The following CENPU variants were observed in gnomAD, a reference collection of about 807,000 sequenced individuals.
The protein encoded by CENPU is KSHV latent nuclear antigen interacting protein 1.
CENPU carries 46 observed loss-of-function variants against 56.7 expected under a neutral mutation model. That is an observed-to-expected ratio of 0.81 (90% CI 0.64 to 1.04). CENPU has a LOEUF of 1.04. Among genes scored for constraint, CENPU ranks in the 50% least tolerant of loss-of-function variants. The pLI, the probability that CENPU is intolerant of heterozygous loss-of-function variation, is 0.00. For synonymous variants in CENPU, 166 were observed against 163.0 expected (o/e 1.02, Z -0.14); for missense variants, 510 against 490.1 (o/e 1.04, Z -0.38).
chr4:184,732,566 TAG>T, intron 1 of CENPU, among the ~76,000 whole-genome samples: 1 of 152,098 alleles, frequency 6.6e-6, no homozygotes, highest in East Asian at 1.9e-4. Context: ...AGCTACACAC[TAG>T]ACCACATAAA....
intron 1 of CENPU, chr4:184,733,352 C>T: frequency 4.1e-6 from 4 of 986,990 alleles, no homozygotes; most frequent in Non-Finnish European, 4.8e-6. Flanking sequence ...CTCTTCAGAT[C>T]GTCTTGGCGT....
intron 1 of CENPU, chr4:184,733,451 G>A: frequency 6.1e-6 from 6 of 983,662 alleles, no homozygotes; most frequent in Non-Finnish European, 7.3e-6. Flanking sequence ...ACGAATCAGC[G>A]ACCAGCATTC....
intron 1 of CENPU, chr4:184,733,452 A>G: frequency 1.0e-6 from 1 of 985,974 alleles, no homozygotes; most frequent in South Asian, 4.4e-5. Context: ...CGAATCAGCG[A>G]CCAGCATTCT....
At chr4:184,704,361 T>C (rs1760649156) in intron 8 of CENPU, among the ~76,000 whole-genome samples, 2 of 152,194 alleles carry the variant, frequency 1.3e-5, no homozygotes, top group Non-Finnish European at 2.9e-5. Context: ...ACCATCATGC[T>C]ACAATTATCT....
chr4:184,716,403 A>G lies in CENPU; in HGVS notation c.612T>C (p.Ser204=), dbSNP rs763738723. Residue 204 remains serine, a synonymous_variant, in exon 6 of 13, where the codon AGT becomes AGC. Coordinates refer to ENST00000281453, the MANE Select transcript of CENPU (RefSeq NM_024629.4). ...SVEKENLAIE[S]QSKTQKKGKI... ...GGATGGCAGACGTTCTTACCGATTG[A>G]CTTTCTATTGCCAAGTTCTCTTTTT... 1.9e-6 allele frequency: 3 copies of G among 1,612,752 alleles called. No individual in the cohort carries two copies. The highest frequency in any genetic ancestry group is 1.7e-4 in the Middle Eastern group (1 of 6,056).
intron 8 of CENPU, among the ~76,000 whole-genome samples, chr4:184,707,154 G>T (rs1200525543): frequency 1.3e-5 from 2 of 151,182 alleles, no homozygotes; most frequent in Admixed American, 1.3e-4. Context: ...GGCATGACAG[G>T]CTGGCTCCTT....
intron 7 of CENPU, among the ~76,000 whole-genome samples, chr4:184,712,102 A>G (rs992423554): frequency 1.4e-5 from 2 of 147,386 alleles, no homozygotes; most frequent in Non-Finnish European, 3.0e-5. Context: ...GCCTGGCAAC[A>G]GAGCAAGACT....
At position 184,715,137 on chromosome 4, in the gene CENPU, G is replaced by A. The variant is rs73874415; in HGVS notation, c.618+1260C>T. Among the ~76,000 whole-genome samples the A allele has an allele frequency of 7.3e-3, 1,106 of 152,320 alleles. 15 individuals carry two copies. Among genetic ancestry groups the A allele is most frequent in the African/African-American group, 0.025 (1,049 of 41,558 alleles). The stretch of plus-strand genomic sequence containing the variant: ...TATAAGAAACTATACGGTTACCTGT[G>A]TGTATGTTTAGCAGGTGGAAAGGTG... On this transcript the variant is annotated intron_variant, in intron 6 of 12. Coordinates refer to ENST00000281453, the MANE Select transcript of CENPU (RefSeq NM_024629.4).
rs1196331415 is a variant in CENPU at position 184,724,992 on chromosome 4, G to C, written c.285C>G (p.Leu95=). 6.2e-6 allele frequency: 10 copies of C among 1,612,876 alleles called. No individual in the cohort carries two copies. The highest frequency in any genetic ancestry group is 1.7e-5 in the Admixed American group (1 of 59,898). The part of the protein sequence containing the change: ...EEFSKHCGLS[L]SSTPPGKEAK... The stretch of plus-strand genomic sequence containing the variant: ...CTTCTTTTCCTGGAGGAGTTGAAGA[G>C]AGAGACAGTCCACAATGTTTGGAGA... The change falls in exon 4 of 13, where the codon CTC becomes CTG. Residue 95 remains leucine, a synonymous_variant. Transcript: ENST00000281453.
rs1759976649 is a variant in CENPU, at chr4:184,694,380, C to T, written c.*908G>A. The T allele has an allele frequency of 6.4e-6, 9 of 1,414,380 alleles. No individual in the cohort carries two copies. The highest frequency in any genetic ancestry group is 2.5e-5 in the East Asian group (1 of 39,626). The allele number at this position is 1,414,380 out of a possible 1,614,324, so 87.6% of individuals were successfully genotyped here. On this transcript the variant is annotated 3_prime_UTR_variant, in exon 13 of 13. Transcript: ENST00000281453. ...TGCACTCATTCCCACGGTGAGATAT[C>T]GGAGACAGCATTCCTCCTGCATATT...
Position 184,694,716 on chromosome 4 carries a change from C to A in CENPU, c.*572G>T. 1 of 1,612,994 alleles carries A rather than the reference C, an allele frequency of 6.2e-7. No individual in the cohort carries two copies. The highest frequency in any genetic ancestry group is 1.1e-5 in the South Asian group (1 of 91,056). On this transcript the variant is annotated 3_prime_UTR_variant, in exon 13 of 13. Coordinates refer to ENST00000281453, the MANE Select transcript of CENPU (RefSeq NM_024629.4). ...CTGAAGCTGCAGAGAACAGTCTTCT[C>A]AGTTATAACAGTGAAGTGGATGAAA...
chr4:184,728,974 G>C lies in CENPU; in HGVS notation c.158C>G (p.Ser53Ter). 1 of 1,614,158 alleles carries C rather than the reference G, an allele frequency of 6.2e-7. No homozygotes were observed. The highest frequency in any genetic ancestry group is 8.5e-7 in the Non-Finnish European group (1 of 1,180,014). The part of the protein sequence containing the change: ...VFDFPDNSDV[S>*]SIGRLGENEK... ...ATTTTCACCCAGCCTGCCAATGCTT[G>C]AGACATCAGAATTATCAGGAAAGTC... is the stretch of plus-strand genomic sequence containing the variant. Residue 53 changes from serine to a stop codon, truncating the protein, a stop_gained, in exon 3 of 13, where the codon TCA becomes TGA. Coordinates refer to ENST00000281453, the MANE Select transcript of CENPU (RefSeq NM_024629.4). LOFTEE classifies it high-confidence loss of function.
intron 11 of CENPU, among the ~76,000 whole-genome samples, chr4:184,699,160 T>C (rs1037112581): frequency 5.3e-5 from 8 of 151,736 alleles, no homozygotes; most frequent in African/African-American, 1.9e-4. Context: ...ACCCTGTCTC[T>C]ACTAAAAATA....
intron 10 of CENPU, 29 bp downstream of exon 10, chr4:184,702,060 C>T: frequency 2.0e-6 from 3 of 1,474,016 alleles, no homozygotes; most frequent in East Asian, 2.3e-5. Flanking sequence ...GTGTTTGACT[C>T]TATGACTCTA....
At position 184,702,120 on chromosome 4, in the gene CENPU, A is replaced by G. The variant is rs372836123; in HGVS notation, c.893T>C (p.Met298Thr). 4 of 1,608,442 alleles carry G rather than the reference A, an allele frequency of 2.5e-6. No individual in the cohort carries two copies. Among genetic ancestry groups the G allele is most frequent in the Non-Finnish European group, 3.4e-6 (4 of 1,175,868 alleles). Residue 298 changes from methionine (M) to threonine (T), a missense_variant, in exon 10 of 13, where the codon ATG becomes ACG. Coordinates refer to ENST00000281453, the MANE Select transcript of CENPU (RefSeq NM_024629.4). ...ATTCTTCCTTTTCAGATTTGTCAAC[A>G]TCTGGCTTTCTTTAAGCTACACAAA... ...QFIKMLKESQ[M>T]LTNLKRKNAK...
In CENPU at chr4:184,710,194, A is replaced by G. The variant is rs1554011080; in HGVS notation, c.689-14T>C. 3 of 1,525,508 alleles carry G rather than the reference A, an allele frequency of 2.0e-6. No homozygotes were observed. The highest frequency in any genetic ancestry group is 1.4e-5 in the African/African-American group (1 of 73,010). 94.5% of individuals were successfully genotyped at this position (1,525,508 alleles called of 1,614,324 possible). A position where few individuals can be genotyped will look rare whatever the true frequency, so the allele number is the denominator to read the frequency against. ...TGTCAGAAGTATCTAAAATATTAAG[A>G]TAAGTTAACATGCTGGTTATTCATA... On this transcript the variant is annotated splice_polypyrimidine_tract_variant and intron_variant, in intron 7 of 12. Transcript: ENST00000281453.
chr4:184,729,039 A>G lies in CENPU; in HGVS notation c.97-4T>C, dbSNP rs1034497286. 1.0e-5 allele frequency: 16 copies of G among 1,602,796 alleles called. No homozygotes were observed. The highest frequency in any genetic ancestry group is 1.3e-5 in the Non-Finnish European group (15 of 1,171,462). On this transcript the variant is annotated splice_polypyrimidine_tract_variant and splice_region_variant and intron_variant, in intron 2 of 12. Transcript: ENST00000281453. ...GCTTGCACTTTTGACCAGCTTTCTA[A>G]AAGTGAATAAAGTTGAGTCATTGAG... is the stretch of plus-strand genomic sequence containing the variant.
At chr4:184,697,998 A>G in intron 11 of CENPU, 195 bp from the exon 12 acceptor site, 1 of 529,868 alleles carries the variant, frequency 1.9e-6, no homozygotes, top group Non-Finnish European at 3.3e-6. Context: ...CTGAAATACA[A>G]TGCACAATGA....
chr4:184,730,123 A>ATTCCAGGCACTCTGGGC (rs1424459658), intron 2 of CENPU, among the ~76,000 whole-genome samples: 1 of 152,204 alleles, frequency 6.6e-6, no homozygotes, highest in Admixed American at 6.5e-5. Flanking sequence ...AGCTGAATCC[A>ATTCCAGGCACTCTGGGC]TTCCAGGCAC....
Sources: gnomAD v4.1 joint callset for allele counts (sites outside exome capture counted in the v4.1 genomes callset) on GRCh38, gnomAD v4.1.1 for gene constraint, MANE v1.5 for transcripts, NCBI Gene and HGNC (gene_info 2026-07-23, HGNC 2026-07-21) for gene names.